The following FHIT variants were observed in gnomAD, a reference collection of about 807,000 sequenced individuals.
FHIT encodes the protein fragile histidine triad diadenosine triphosphatase.
A neutral mutation model predicts 17.9 loss-of-function variants in FHIT; 19 were observed. That is an observed-to-expected ratio of 1.06 (90% CI 0.74 to 1.56). The LOEUF (loss-of-function observed/expected upper bound fraction) is 1.56, where lower values mean the gene tolerates loss of function less well. Ranked by LOEUF, FHIT falls within the 40% of genes most tolerant of loss-of-function variation. FHIT has a pLI of 0.00. For missense variants in FHIT, 248 were observed against 189.2 expected, an observed-to-expected ratio of 1.31 and a Z score of -1.82; for synonymous variants, 81 against 69.7, an observed-to-expected ratio of 1.16 and a Z score of -0.81.
In FHIT at chr3:60,936,506, T is replaced by A. The variant is rs2107391586; in HGVS notation, c.-111+105541A>T. Among the ~76,000 whole-genome samples the A allele has an allele frequency of 1.3e-5, 2 of 152,352 alleles. 1 individual carries two copies. Among genetic ancestry groups the A allele is most frequent in the South Asian group, 4.1e-4 (2 of 4,832 alleles). ...AAACTGAAGCTCTATATGTAAAATG[T>A]TAAGGGTCTATTCATTGAAAAATTA... On this transcript the variant is annotated intron_variant, in intron 3 of 9. Coordinates refer to ENST00000492590, the MANE Select transcript of FHIT (RefSeq NM_002012.4).
chr3:60,093,489 T>G (rs1213494677), intron 5 of FHIT, among the ~76,000 whole-genome samples: 1 of 152,120 alleles, frequency 6.6e-6, no homozygotes, highest in Non-Finnish European at 1.5e-5. Context: ...TCTGCAACCT[T>G]AATTCCCCAC....
At chr3:60,247,578 C>T (rs991110411) in intron 5 of FHIT, among the ~76,000 whole-genome samples, 1 of 152,062 alleles carries the variant, frequency 6.6e-6, no homozygotes. Context: ...CAGCAGTAAT[C>T]TTATCTTAAA....
chr3:60,315,223 T>C (rs1709113180), intron 5 of FHIT, among the ~76,000 whole-genome samples: 2 of 152,188 alleles, frequency 1.3e-5, no homozygotes, highest in African/African-American at 2.4e-5. Flanking sequence ...ACCCACAACC[T>C]TGGGAGACAT....
chr3:60,106,981 T>C (rs962347878), intron 5 of FHIT, among the ~76,000 whole-genome samples: 1 of 152,160 alleles, frequency 6.6e-6, no homozygotes, highest in Non-Finnish European at 1.5e-5. Flanking sequence ...CCATTGTCTG[T>C]ATATAATTAA....
chr3:60,881,640 C>T (rs1426566094), intron 3 of FHIT, among the ~76,000 whole-genome samples: 4 of 151,976 alleles, frequency 2.6e-5, no homozygotes, highest in African/African-American at 9.7e-5. Flanking sequence ...CTTTTGGAAG[C>T]TCTATGAATA....
At chr3:60,561,320 C>T (rs1187793379) in intron 4 of FHIT, among the ~76,000 whole-genome samples, 1 of 152,124 alleles carries the variant, frequency 6.6e-6, no homozygotes, top group Non-Finnish European at 1.5e-5. Context: ...TCTTCCAAAG[C>T]ACCTGGACCC....
chr3:59,757,420 G>A (rs748151437), intron 8 of FHIT, among the ~76,000 whole-genome samples: 1 of 152,314 alleles, frequency 6.6e-6, no homozygotes, highest in African/African-American at 2.4e-5. Flanking sequence ...GAACTGATAC[G>A]TGTCGATTTT....
intron 3 of FHIT, among the ~76,000 whole-genome samples, chr3:60,991,316 C>CG (rs1164646043): frequency 2.0e-5 from 3 of 152,064 alleles, no homozygotes; most frequent in Non-Finnish European, 4.4e-5. Flanking sequence ...CCAGTGGATG[C>CG]GGGATGAGGT....
chr3:60,874,332 T>C (rs1350521668), intron 3 of FHIT, among the ~76,000 whole-genome samples: 2 of 152,178 alleles, frequency 1.3e-5, no homozygotes, highest in African/African-American at 2.4e-5. Flanking sequence ...GCTGTGTGCA[T>C]CCTAGGTCTG....
chr3:60,135,391 A>T (rs1699775321), intron 5 of FHIT, among the ~76,000 whole-genome samples: 1 of 152,122 alleles, frequency 6.6e-6, no homozygotes, highest in Non-Finnish European at 1.5e-5. Context: ...CAAACAGCTC[A>T]GCCCAGACTC....
chr3:60,655,350 AG>A (rs2040089413), intron 4 of FHIT, among the ~76,000 whole-genome samples: 1 of 152,218 alleles, frequency 6.6e-6, no homozygotes, highest in Non-Finnish European at 1.5e-5. Flanking sequence ...GATTATAAAA[AG>A]CAAGTACATT....
intron 4 of FHIT, among the ~76,000 whole-genome samples, chr3:60,549,432 A>G (rs1208793834): frequency 3.3e-5 from 5 of 152,206 alleles, no homozygotes; most frequent in Non-Finnish European, 7.3e-5. Flanking sequence ...CAACATATCA[A>G]CATTTATGCA....
intron 8 of FHIT, among the ~76,000 whole-genome samples, chr3:59,825,676 C>A (rs999651150): frequency 6.6e-6 from 1 of 152,192 alleles, no homozygotes; most frequent in Non-Finnish European, 1.5e-5. Context: ...TTATCTTACA[C>A]ATTACTGAAG....
At chr3:60,406,682 TGGTGTGGGGTGGGGTGG>T (rs1212951001) in intron 5 of FHIT, among the ~76,000 whole-genome samples, 1 of 80,136 alleles carries the variant, frequency 1.2e-5, no homozygotes, top group African/African-American at 4.9e-5. Flanking sequence ...TGGTGGGGGG[TGGTGTGGGGTGGGGTGG>T]GGTATACACC....
chr3:60,955,633 TACACACACAC>T (rs1553778443), intron 3 of FHIT, among the ~76,000 whole-genome samples: 12 of 39,506 alleles, frequency 3.0e-4, no homozygotes, highest in African/African-American at 8.8e-4. Flanking sequence ...TATATATATA[TACACACACAC>T]ACATATATAC....
chr3:60,789,495 C>A (rs1268204903), intron 4 of FHIT, among the ~76,000 whole-genome samples: 5 of 152,050 alleles, frequency 3.3e-5, no homozygotes, highest in Non-Finnish European at 7.4e-5. Flanking sequence ...TCCAGCCTGG[C>A]GACAGAGTGA....
chr3:60,449,805 C>G (rs1349688903), intron 5 of FHIT, among the ~76,000 whole-genome samples: 1 of 151,790 alleles, frequency 6.6e-6, no homozygotes, highest in Non-Finnish European at 1.5e-5. Context: ...GAGATCAAGA[C>G]CATCCTGGCC....
chr3:61,120,018 T>C (rs1189432294), intron 2 of FHIT, among the ~76,000 whole-genome samples: 1 of 152,220 alleles, frequency 6.6e-6, no homozygotes, highest in African/African-American at 2.4e-5. Context: ...TCTTTTTCTC[T>C]GGATAACCTT....
At chr3:60,140,607 T>C (rs1403059306) in intron 5 of FHIT, among the ~76,000 whole-genome samples, 5 of 148,728 alleles carry the variant, frequency 3.4e-5, no homozygotes, top group African/African-American at 1.0e-4. Flanking sequence ...AGACAGAGTT[T>C]CGCTATTGTT....
Sources: allele counts gnomAD v4.1 joint callset (sites outside exome capture counted in the v4.1 genomes callset), GRCh38; gene constraint gnomAD v4.1.1; transcripts MANE v1.5; gene names NCBI Gene and HGNC (gene_info 2026-07-23, HGNC 2026-07-21).